The following CYLD variants were observed in gnomAD, a reference collection of about 807,000 sequenced individuals.
The protein encoded by CYLD is CYLD lysine 63 deubiquitinase.
A neutral mutation model predicts 104.5 loss-of-function variants in CYLD; 26 were observed. The ratio of observed to expected loss-of-function variants is 0.25; its 90% CI spans 0.18 to 0.35. The LOEUF (loss-of-function observed/expected upper bound fraction) is 0.35, where lower values mean the gene tolerates loss of function less well. CYLD is among the 10% of genes least tolerant of loss of function. CYLD has a pLI of 1.00. For synonymous variants in CYLD, 385 were observed against 399.9 expected (o/e 0.96, Z 0.45); for missense variants, 703 against 1,136.1 (o/e 0.62, Z 5.48).
chr16:50,753,952 A>C (rs1285748939), intron 4 of CYLD, among the ~76,000 whole-genome samples: 1 of 152,376 alleles, frequency 6.6e-6, no homozygotes, highest in East Asian at 1.9e-4. Context: ...ATAATATATT[A>C]TTAATGAAAC....
rs1305229633 is a variant in CYLD, at chr16:50,799,461, TG to T, written c.*2954del. The T allele has an allele frequency of 8.6e-6, 2 of 233,640 alleles. No individual in the cohort carries two copies. The highest frequency in any genetic ancestry group is 1.2e-4 in the East Asian group (2 of 16,694). 14.5% of individuals were successfully genotyped at this position (233,640 alleles called of 1,614,324 possible). A position where few individuals can be genotyped will look rare whatever the true frequency, so the allele number is the denominator to read the frequency against. On this transcript the variant is annotated 3_prime_UTR_variant, in exon 19 of 19. Coordinates refer to ENST00000427738, the MANE Select transcript of CYLD (RefSeq NM_001378743.1). ...GTTTTATAAGACTAGGAAAACACGT[TG>T]AAAACTAGGATAAACAGCAACAAAA... is the stretch of plus-strand genomic sequence containing the variant.
At position 50,754,327 on chromosome 16, in the gene CYLD, T is replaced by C; in HGVS notation, c.816T>C (p.Pro272=). The change falls in exon 5 of 19, where the codon CCT becomes CCC. Residue 272 remains proline (P), a synonymous_variant. Transcript: ENST00000427738. ...TATTATTTAATTTCTAGGATAACCC[T>C]ATTGGCAACTGGGATGGAAGATTTG... ...GYFVGVDMDN[P]IGNWDGRFDG... The C allele has an allele frequency of 6.2e-6, 10 of 1,606,380 alleles. No homozygotes were observed. Among genetic ancestry groups the C allele is most frequent in the Non-Finnish European group, 7.7e-6 (9 of 1,173,202 alleles).
At chr16:50,763,253 G>A (rs1464688752) in intron 5 of CYLD, among the ~76,000 whole-genome samples, 1 of 152,116 alleles carries the variant, frequency 6.6e-6, no homozygotes, top group Non-Finnish European at 1.5e-5. Context: ...CACATCACAT[G>A]TTGTTTATTA....
intron 8 of CYLD, among the ~76,000 whole-genome samples, chr16:50,779,180 T>G (rs564447402): frequency 2.6e-5 from 4 of 152,336 alleles, no homozygotes; most frequent in Admixed American, 2.0e-4. Flanking sequence ...GCTTTTGTTT[T>G]TTTCTGAAAT....
intron 5 of CYLD, among the ~76,000 whole-genome samples, chr16:50,770,370 A>G (rs966756871): frequency 1.3e-5 from 2 of 151,124 alleles, no homozygotes; most frequent in South Asian, 4.2e-4. Context: ...TGTGATTTTG[A>G]TTTGAATTTA....
intron 5 of CYLD, among the ~76,000 whole-genome samples, chr16:50,770,040 A>G (rs1968975659): frequency 6.6e-6 from 1 of 152,038 alleles, no homozygotes. Flanking sequence ...CAGTTTGTTT[A>G]ACTGTTTAGC....
chr16:50,793,416 G>A (rs1971625650), intron 16 of CYLD, 130 bp from the exon 17 acceptor site: 4 of 777,994 alleles, frequency 5.1e-6, no homozygotes, highest in Non-Finnish European at 9.4e-6. Context: ...GCAGATGGAA[G>A]AGAAAGAGAC....
intron 4 of CYLD, among the ~76,000 whole-genome samples, chr16:50,752,649 G>A (rs981353924): frequency 6.6e-6 from 1 of 152,122 alleles, no homozygotes; most frequent in East Asian, 1.9e-4. Context: ...CCGAAACTCT[G>A]TGCCTGTTTT....
chr16:50,799,532 G>A lies in CYLD; in HGVS notation c.*3024G>A, dbSNP rs1348698764. On this transcript the variant is annotated 3_prime_UTR_variant, in exon 19 of 19. Transcript: ENST00000427738. ...ACTGTTGCTAAGGATTTTCTCCTTA[G>A]AATAATTTAGGATTTTTAAAAATTT... The A allele has an allele frequency of 4.3e-6, 1 of 233,562 alleles. No homozygotes were observed. The highest frequency in any genetic ancestry group is 6.0e-5 in the East Asian group (1 of 16,676). The allele number at this position is 233,562 out of a possible 1,614,324, so 14.5% of individuals were successfully genotyped here.
Position 50,792,653 on chromosome 16 carries a change from T to TA in CYLD, c.2305dup (p.Ile769AsnfsTer14). The TA allele has an allele frequency of 6.2e-7, 1 of 1,600,152 alleles. No homozygotes were observed. Among genetic ancestry groups the TA allele is most frequent in the East Asian group, 2.2e-5 (1 of 44,762 alleles). On this transcript the variant is annotated frameshift_variant, in exon 16 of 19. Transcript: ENST00000427738. LOFTEE classifies it high-confidence loss of function. Reference sequence around the variant, plus strand: ...GATTTGGAAAAGACTTTAAACTATTTAAAAAAATTTTTCCTTCTCTGGAAT... The same window carrying TA: ...GATTTGGAAAAGACTTTAAACTATTTAAAAAAAATTTTTCCTTCTCTGGAAT...
At chr16:50,783,256 C>G (rs150471018) in intron 11 of CYLD, among the ~76,000 whole-genome samples, 1 of 152,074 alleles carries the variant, frequency 6.6e-6, no homozygotes, top group Non-Finnish European at 1.5e-5. Context: ...GATCTTTAAG[C>G]TCTGGAAATT....
At chr16:50,791,144 T>G (rs910166476) in intron 14 of CYLD, among the ~76,000 whole-genome samples, 1 of 152,232 alleles carries the variant, frequency 6.6e-6, no homozygotes, top group Admixed American at 6.5e-5. Context: ...CTAGAAGGTC[T>G]GCTAAGGGTC....
intron 5 of CYLD, among the ~76,000 whole-genome samples, chr16:50,763,842 A>G: frequency 6.6e-6 from 1 of 152,118 alleles, no homozygotes; most frequent in Non-Finnish European, 1.5e-5. Context: ...TGCTTTCAAC[A>G]TTTCATTATT....
chr16:50,757,322 G>T (rs1032844568), intron 5 of CYLD, among the ~76,000 whole-genome samples: 8 of 152,138 alleles, frequency 5.3e-5, no homozygotes, highest in African/African-American at 1.9e-4. Context: ...TTAGTTGGAG[G>T]TATAGGATTC....
intron 15 of CYLD, among the ~76,000 whole-genome samples, chr16:50,792,334 G>T (rs1971511814): frequency 1.3e-5 from 2 of 152,066 alleles, no homozygotes; most frequent in African/African-American, 2.4e-5. Context: ...CAAATAAAAT[G>T]CCATGATTTT....
At chr16:50,754,482 T>G in intron 5 of CYLD, 58 bp downstream of exon 5, 1 of 1,138,214 alleles carries the variant, frequency 8.8e-7, no homozygotes, top group East Asian at 2.6e-5. Context: ...AATTTTTTAT[T>G]TTTTTATATC....
chr16:50,742,647 G>T (rs914662597), intron 1 of CYLD, 115 bp from the exon 2 acceptor site: 1 of 390,024 alleles, frequency 2.6e-6, no homozygotes. Flanking sequence ...GATTCCTACC[G>T]ACCGCGCCGC....
At chr16:50,791,787 A>G in intron 15 of CYLD, 97 bp downstream of exon 15, 1 of 1,369,686 alleles carries the variant, frequency 7.3e-7, no homozygotes, top group Non-Finnish European at 1.0e-6. Flanking sequence ...CTAGCTGAGA[A>G]AAGTTTGAAA....
chr16:50,773,594 C>G (rs1969368176), intron 5 of CYLD, among the ~76,000 whole-genome samples: 1 of 152,116 alleles, frequency 6.6e-6, no homozygotes, highest in Admixed American at 6.5e-5. Flanking sequence ...TCTTCTATAT[C>G]TTTTAATATC....
Sources: gnomAD v4.1 joint callset for allele counts (sites outside exome capture counted in the v4.1 genomes callset) on GRCh38, gnomAD v4.1.1 for gene constraint, MANE v1.5 for transcripts, NCBI Gene and HGNC (gene_info 2026-07-23, HGNC 2026-07-21) for gene names.